Variants in CNTN4 observed in about 807,000 individuals in gnomAD.
CNTN4 encodes the protein contactin 4.
Under a neutral mutation model 122.5 loss-of-function variants are expected in CNTN4, and 77 were observed. That is an observed-to-expected ratio of 0.63 (90% CI 0.52 to 0.76). The LOEUF is 0.76. CNTN4 is among the 30% of genes least tolerant of loss of function. The pLI is 0.00. For synonymous variants in CNTN4, 512 were observed against 447.0 expected (o/e 1.15, Z -1.83); for missense variants, 1,256 against 1,259.1 (o/e 1.00, Z 0.04).
At chr3:2,672,270 A>G (rs1395954304) in intron 4 of CNTN4, among the ~76,000 whole-genome samples, 1 of 152,126 alleles carries the variant, frequency 6.6e-6, no homozygotes, top group Non-Finnish European at 1.5e-5. Flanking sequence ...ACCCAGTTCG[A>G]GCTTCCAGGC....
At chr3:2,673,246 A>G (rs1333979440) in intron 4 of CNTN4, among the ~76,000 whole-genome samples, 3 of 152,184 alleles carry the variant, frequency 2.0e-5, no homozygotes, top group Non-Finnish European at 4.4e-5. Context: ...TAAAATAGGT[A>G]TAAAAGGGAG....
intron 3 of CNTN4, among the ~76,000 whole-genome samples, chr3:2,513,956 A>T (rs555184446): frequency 6.6e-6 from 1 of 152,318 alleles, no homozygotes; most frequent in East Asian, 1.9e-4. Flanking sequence ...TTGTATATGT[A>T]AAGATAGTGC....
chr3:2,579,264 G>GA (rs1052768556), intron 4 of CNTN4, among the ~76,000 whole-genome samples: 1 of 152,160 alleles, frequency 6.6e-6, no homozygotes, highest in South Asian at 2.1e-4. Context: ...AGGAAGACAG[G>GA]AAAAAACCAG....
intron 2 of CNTN4, among the ~76,000 whole-genome samples, chr3:2,226,739 T>C (rs568129841): frequency 2.6e-5 from 4 of 152,256 alleles, no homozygotes; most frequent in Non-Finnish European, 5.9e-5. Context: ...AAAGAGCCAT[T>C]TAGTAGTGAC....
At position 2,521,466 on chromosome 3, in the gene CNTN4, C is replaced by T. The variant is rs138416417; in HGVS notation, c.-88-49950C>T. ...TATTTATAACTTCTAGATAAGGGTA[C>T]AGCCATCCCTCCCTAGGACATGGTT... On this transcript the variant is annotated intron_variant, in intron 3 of 24. Coordinates refer to ENST00000418658, the MANE Select transcript of CNTN4 (RefSeq NM_175607.3). Among the ~76,000 whole-genome samples, 18 of 150,748 alleles carry T rather than the reference C, an allele frequency of 1.2e-4. No individual in the cohort carries two copies. In the East Asian group the frequency reaches 3.6e-3, roughly 30 times the overall value.
At chr3:2,598,911 C>T (rs1176813589) in intron 4 of CNTN4, among the ~76,000 whole-genome samples, 2 of 151,966 alleles carry the variant, frequency 1.3e-5, no homozygotes, top group African/African-American at 2.4e-5. Context: ...ATTTAAAGGG[C>T]ATTTTCAAAT....
intron 2 of CNTN4, among the ~76,000 whole-genome samples, chr3:2,223,160 C>A (rs1378033090): frequency 6.6e-6 from 1 of 152,068 alleles, no homozygotes; most frequent in Non-Finnish European, 1.5e-5. Flanking sequence ...AGAACCTTCA[C>A]CAAAGGGGAA....
chr3:2,905,071 C>T (rs55904512), intron 12 of CNTN4, among the ~76,000 whole-genome samples: 63,188 of 151,922 alleles, frequency 0.42, 13,463 homozygotes, highest in East Asian at 0.67. Context: ...CCACTCTGCA[C>T]AGCCCTCCCC....
At chr3:2,613,844 A>G (rs1180743084) in intron 4 of CNTN4, among the ~76,000 whole-genome samples, 1 of 152,158 alleles carries the variant, frequency 6.6e-6, no homozygotes, top group Non-Finnish European at 1.5e-5. Flanking sequence ...CTTAAGGAAA[A>G]TGAGCATTGA....
chr3:2,913,767 A>T (rs1404627089), intron 12 of CNTN4, among the ~76,000 whole-genome samples: 1 of 152,178 alleles, frequency 6.6e-6, no homozygotes, highest in Non-Finnish European at 1.5e-5. Context: ...AAAGACAAAT[A>T]AGGAAGCAGA....
chr3:2,811,223 A>C (rs897278007), intron 6 of CNTN4, among the ~76,000 whole-genome samples: 1 of 151,426 alleles, frequency 6.6e-6, no homozygotes, highest in Non-Finnish European at 1.5e-5. Context: ...CAGCCTGGCC[A>C]ATGTGGGAAA....
At chr3:2,839,511 T>C (rs1305382040) in intron 7 of CNTN4, among the ~76,000 whole-genome samples, 1 of 152,166 alleles carries the variant, frequency 6.6e-6, no homozygotes, top group African/African-American at 2.4e-5. Context: ...AGGGGTTTAT[T>C]GCTTCTCTTG....
chr3:2,734,907 A>G (rs1360361935), intron 4 of CNTN4, among the ~76,000 whole-genome samples: 4 of 152,182 alleles, frequency 2.6e-5, no homozygotes, highest in Admixed American at 2.6e-4. Context: ...ATAACTTTAC[A>G]TCATAGCCTC....
At chr3:2,725,237 C>G (rs373518906) in intron 4 of CNTN4, among the ~76,000 whole-genome samples, 7 of 152,146 alleles carry the variant, frequency 4.6e-5, no homozygotes, top group Non-Finnish European at 8.8e-5. Flanking sequence ...TGAAATTACC[C>G]TTCTATGCCC....
intron 3 of CNTN4, among the ~76,000 whole-genome samples, chr3:2,406,142 T>G (rs545543284): frequency 2.6e-5 from 4 of 152,326 alleles, no homozygotes; most frequent in African/African-American, 4.8e-5. Flanking sequence ...AAACATTTCT[T>G]ACTCTCAAAG....
chr3:2,485,218 G>A (rs1057339647), intron 3 of CNTN4, among the ~76,000 whole-genome samples: 5 of 152,208 alleles, frequency 3.3e-5, no homozygotes, highest in Admixed American at 1.3e-4. Context: ...CAGCGCGGCC[G>A]GAGCCTCCGC....
At chr3:2,667,331 C>A (rs2084228413) in intron 4 of CNTN4, among the ~76,000 whole-genome samples, 1 of 152,164 alleles carries the variant, frequency 6.6e-6, no homozygotes, top group African/African-American at 2.4e-5. Flanking sequence ...TTGCATTTCT[C>A]TGATGGCCAG....
chr3:2,668,220 T>A (rs1471417727), intron 4 of CNTN4, among the ~76,000 whole-genome samples: 8 of 152,132 alleles, frequency 5.3e-5, no homozygotes, highest in Admixed American at 1.3e-4. Context: ...CTTCCTACCC[T>A]GGAGCATGGA....
chr3:2,600,910 G>A (rs1454186449), intron 4 of CNTN4, among the ~76,000 whole-genome samples: 1 of 152,138 alleles, frequency 6.6e-6, no homozygotes, highest in Non-Finnish European at 1.5e-5. Context: ...GTGTGAGATG[G>A]TATCTCATTG....
Sources: allele counts gnomAD v4.1 joint callset (sites outside exome capture counted in the v4.1 genomes callset), GRCh38; gene constraint gnomAD v4.1.1; transcripts MANE v1.5; gene names NCBI Gene and HGNC (gene_info 2026-07-23, HGNC 2026-07-21).